The following SLC2A1 variants were observed in gnomAD, a reference collection of about 807,000 sequenced individuals.
SLC2A1 encodes the protein solute carrier family 2, facilitated glucose transporter member 1.
A neutral mutation model predicts 46.6 loss-of-function variants in SLC2A1; 4 were observed. The observed-to-expected ratio is 0.09, with a 90% confidence interval of 0.04 to 0.20. The LOEUF is 0.20. Ranked by LOEUF, SLC2A1 falls within the 10% of genes least tolerant of loss-of-function variation. The pLI is 1.00. For synonymous variants in SLC2A1, 253 were observed against 270.0 expected (o/e 0.94, Z 0.62); for missense variants, 352 against 667.0 (o/e 0.53, Z 5.20).
At chr1:42,932,668 A>G (rs1003554841) in intron 2 of SLC2A1, among the ~76,000 whole-genome samples, 1 of 151,986 alleles carries the variant, frequency 6.6e-6, no homozygotes, top group African/African-American at 2.4e-5. Flanking sequence ...TATCCCTTCC[A>G]ACCCACTGAG....
Position 42,936,791 on chromosome 1 carries a change from C to T in SLC2A1, c.115-5585G>A, listed in dbSNP as rs529966425. ...AGGCACACGCAGTGACTCCCTCATA[C>T]GACCTAGACACCTCACACCTTTGCT... is the stretch of plus-strand genomic sequence containing the variant. On this transcript the variant is annotated intron_variant, in intron 2 of 9. Transcript: ENST00000426263. Among the ~76,000 whole-genome samples, 7 of 152,278 alleles carry T rather than the reference C, an allele frequency of 4.6e-5. No homozygotes were observed. The East Asian group carries it at 5.8e-4, about 13-fold the overall frequency.
chr1:42,941,795 GCA>G (rs1352124065), intron 2 of SLC2A1, among the ~76,000 whole-genome samples: 4 of 152,208 alleles, frequency 2.6e-5, no homozygotes, highest in Admixed American at 6.5e-5. Flanking sequence ...CAGTTCTGAA[GCA>G]CACACTTTGG....
intron 2 of SLC2A1, among the ~76,000 whole-genome samples, chr1:42,937,637 T>A (rs934119483): frequency 6.6e-6 from 1 of 152,250 alleles, no homozygotes; most frequent in Non-Finnish European, 1.5e-5. Context: ...CCCAGTTTCT[T>A]ATAGAGCAGG....
chr1:42,926,504 G>C lies in SLC2A1; in HGVS notation c.*537C>G. 1 of 278,544 alleles carries C rather than the reference G, an allele frequency of 3.6e-6. No homozygotes were observed. Among genetic ancestry groups the C allele is most frequent in the East Asian group, 8.5e-5 (1 of 11,732 alleles). The allele number at this position is 278,544 out of a possible 1,614,324, so 17.3% of individuals were successfully genotyped here. A position where few individuals can be genotyped will look rare whatever the true frequency, so the allele number is the denominator to read the frequency against. ...TAAAGAAAGATTAATTTGAGTGGTT[G>C]GGTAGGAAGAGATGGGAAGGGGCAA... On this transcript the variant is annotated 3_prime_UTR_variant, in exon 10 of 10. Coordinates refer to ENST00000426263, the MANE Select transcript of SLC2A1 (RefSeq NM_006516.4).
At chr1:42,933,127 G>C (rs964000372) in intron 2 of SLC2A1, among the ~76,000 whole-genome samples, 3 of 152,152 alleles carry the variant, frequency 2.0e-5, no homozygotes, top group Non-Finnish European at 2.9e-5. Context: ...GTGCTGCAGG[G>C]AATCAGTGAA....
At chr1:42,935,881 G>C (rs959372733) in intron 2 of SLC2A1, among the ~76,000 whole-genome samples, 1 of 152,198 alleles carries the variant, frequency 6.6e-6, no homozygotes, top group African/African-American at 2.4e-5. Context: ...TTATGTAAAA[G>C]GCTAGCTAGA....
intron 1 of SLC2A1, among the ~76,000 whole-genome samples, chr1:42,949,775 T>C (rs377713768): frequency 3.5e-4 from 53 of 152,028 alleles, no homozygotes; most frequent in African/African-American, 1.3e-3. Flanking sequence ...TACTCCCTTT[T>C]CACAGATGAG....
intron 2 of SLC2A1, chr1:42,942,908 A>T (rs946867767): frequency 4.9e-6 from 2 of 410,300 alleles, no homozygotes; most frequent in Non-Finnish European, 9.2e-6. Context: ...GCATTATTGT[A>T]TTGAGCTTTG....
At position 42,929,813 on chromosome 1, in the gene SLC2A1, C is replaced by T. The variant is rs1643468501; in HGVS notation, c.680-33G>A. On this transcript the variant is annotated intron_variant, in intron 5 of 9. Transcript: ENST00000426263. The surrounding 1 kb of genome is among the most constrained non-coding windows in gnomAD (Gnocchi z 6.0). ...GACCGGAGGGAAGGTGAGGGTGGCT[C>T]AGAGTGGGAAGAAGGCCAGGGCTCA... The T allele has an allele frequency of 6.2e-7, 1 of 1,614,006 alleles. No homozygotes were observed. The highest frequency in any genetic ancestry group is 1.1e-5 in the South Asian group (1 of 91,082).
chr1:42,934,990 C>T (rs1430715738), intron 2 of SLC2A1, among the ~76,000 whole-genome samples: 8 of 152,196 alleles, frequency 5.3e-5, no homozygotes, highest in Admixed American at 5.2e-4. Flanking sequence ...GAGTCCTGCA[C>T]ACCAAATGTG....
chr1:42,953,297 C>T lies in SLC2A1; in HGVS notation c.18+5337G>A, dbSNP rs561643922. On this transcript the variant is annotated intron_variant, in intron 1 of 9. Transcript: ENST00000426263. Reference sequence around the variant, plus strand: ...CCAGGTTCAAGGCCTGGGAGCCCTGCTCAGTTACTGCAAAACCCTAATGTT... The same window carrying T: ...CCAGGTTCAAGGCCTGGGAGCCCTGTTCAGTTACTGCAAAACCCTAATGTT... Among the ~76,000 whole-genome samples the T allele has an allele frequency of 3.0e-3, 461 of 152,368 alleles. 1 individual carries two copies. The highest frequency in any genetic ancestry group is 5.6e-3 in the Non-Finnish European group (379 of 68,038).
In SLC2A1 at chr1:42,930,459, G is replaced by C; in HGVS notation, c.516+167C>G. ...GAGTCAAGTCATCTTGCTGTCAACT[G>C]GGAGGCCATGGTGCTGTGTTCTCTG... On this transcript the variant is annotated intron_variant, in intron 4 of 9. Transcript: ENST00000426263. This position sits in a 1 kb window ranked among gnomAD's most constrained non-coding sequence, Gnocchi z 6.2. 1 of 899,028 alleles carries C rather than the reference G, an allele frequency of 1.1e-6. No homozygotes were observed. 55.7% of individuals were successfully genotyped at this position (899,028 alleles called of 1,614,324 possible). A position where few individuals can be genotyped will look rare whatever the true frequency, so the allele number is the denominator to read the frequency against.
intron 1 of SLC2A1, 85 bp from the exon 2 acceptor site, chr1:42,943,406 T>C: frequency 2.0e-6 from 2 of 980,360 alleles, no homozygotes; most frequent in Non-Finnish European, 3.2e-6. Flanking sequence ...AGTTTCTGTG[T>C]TCAGATATCT....
chr1:42,958,422 G>A lies in SLC2A1; in HGVS notation c.18+212C>T, dbSNP rs1291176205. Among the ~76,000 whole-genome samples, 4 of 150,670 alleles carry A rather than the reference G, an allele frequency of 2.7e-5. No individual in the cohort carries two copies. In the East Asian group the frequency reaches 7.8e-4, roughly 29 times the overall value. On this transcript the variant is annotated intron_variant, in intron 1 of 9. Transcript: ENST00000426263. ...GCCAACTACGCACGCGGCGCCCTCCGGCCCGCTAGATCCGAAGCCCATCCC... is the reference window on the plus strand; with the variant it reads ...GCCAACTACGCACGCGGCGCCCTCCAGCCCGCTAGATCCGAAGCCCATCCC...
intron 1 of SLC2A1, among the ~76,000 whole-genome samples, chr1:42,958,321 C>A (rs1328893194): frequency 6.6e-6 from 1 of 151,188 alleles, no homozygotes; most frequent in Non-Finnish European, 1.5e-5. Flanking sequence ...GCTCCCGGGC[C>A]CTGTGTCCCC....
intron 1 of SLC2A1, among the ~76,000 whole-genome samples, chr1:42,948,554 T>C (rs569290263): frequency 6.6e-6 from 1 of 152,318 alleles, no homozygotes; most frequent in East Asian, 1.9e-4. Context: ...GGGAGGGGTT[T>C]ACCTGAATCC....
intron 2 of SLC2A1, among the ~76,000 whole-genome samples, chr1:42,934,957 A>C (rs1643527549): frequency 6.6e-6 from 1 of 152,104 alleles, no homozygotes; most frequent in South Asian, 2.1e-4. Context: ...TCCCACAGTG[A>C]ACCACCCCTC....
At chr1:42,934,350 C>G (rs540300882) in intron 2 of SLC2A1, among the ~76,000 whole-genome samples, 2 of 152,332 alleles carry the variant, frequency 1.3e-5, no homozygotes, top group African/African-American at 4.8e-5. Context: ...TAGACCCATC[C>G]TCTCCAGCCC....
At chr1:42,951,843 C>A (rs1643724524) in intron 1 of SLC2A1, 2 of 400,112 alleles carry the variant, frequency 5.0e-6, no homozygotes, top group Non-Finnish European at 4.4e-6. Flanking sequence ...CCCCACAATG[C>A]AACACTGTGG....
Sources: allele counts gnomAD v4.1 joint callset (sites outside exome capture counted in the v4.1 genomes callset), GRCh38; gene constraint gnomAD v4.1.1; non-coding constraint Gnocchi (gnomAD v3.1); transcripts MANE v1.5; gene names NCBI Gene and HGNC (gene_info 2026-07-23, HGNC 2026-07-21).